The following VIM variants were observed in gnomAD, a reference collection of about 807,000 sequenced individuals.
VIM encodes the protein epididymis secretory sperm binding protein.
In VIM, 18 loss-of-function variants were observed where a neutral mutation model predicts 50.3. The observed-to-expected ratio is 0.36, with a 90% CI of 0.25 to 0.53. The LOEUF is 0.53. Ranked by LOEUF, VIM falls within the 20% of genes least tolerant of loss-of-function variation. The pLI is 0.91. For synonymous variants in VIM, 245 were observed against 248.5 expected (o/e 0.99, Z 0.13); for missense variants, 551 against 614.7 (o/e 0.90, Z 1.10).
chr10:17,235,773 AGT>A lies in VIM; in HGVS notation c.1230-68_1230-67del, dbSNP rs1846877032. 9 of 1,427,794 alleles carry A rather than the reference AGT, an allele frequency of 6.3e-6. No individual in the cohort carries two copies. In the Admixed American group the frequency reaches 1.3e-4, roughly 21 times the overall value. 88.4% of individuals were successfully genotyped at this position (1,427,794 alleles called of 1,614,324 possible). ...GTTTTCTTACGTGACGAAAACAAAA[AGT>A]GTGTTAATTTGTTCCCAGTGGTTGA... On this transcript the variant is annotated intron_variant, in intron 7 of 9. Transcript: ENST00000544301.
chr10:17,231,042 TAAAG>T (rs1352516784), intron 3 of VIM: 1 of 233,864 alleles, frequency 4.3e-6, no homozygotes, highest in African/African-American at 2.3e-5. Context: ...CCTTGGGACA[TAAAG>T]AAAAATCTTT....
At position 17,233,883 on chromosome 10, in the gene VIM, T is replaced by C; in HGVS notation, c.834T>C (p.Ser278=). The change falls in exon 5 of 10, where the codon AGT becomes AGC. Residue 278 remains serine, a synonymous_variant. Coordinates refer to ENST00000544301, the MANE Select transcript of VIM (RefSeq NM_003380.5). Reference sequence around the variant, plus strand: ...GTGACGTACGTCAGCAATATGAAAGTGTGGCTGCCAAGAACCTGCAGGAGG... The same window carrying C: ...GTGACGTACGTCAGCAATATGAAAGCGTGGCTGCCAAGAACCTGCAGGAGG... The part of the protein sequence containing the change: ...ALRDVRQQYE[S]VAAKNLQEAE... 3.1e-6 allele frequency: 5 copies of C among 1,614,128 alleles called. No homozygotes were observed. The highest frequency in any genetic ancestry group is 3.3e-4 in the Middle Eastern group (2 of 6,062).
rs1228442247 is a variant in VIM, at chr10:17,230,667, T to G, written c.581T>G (p.Leu194Arg). ...RLREKLQEEM[L>R]QREEAENTLQ... The stretch of plus-strand genomic sequence containing the variant: ...TGTTTCAGATTGCAGGAGGAGATGC[T>G]TCAGAGAGAGGAAGCCGAAAACACC... Residue 194 changes from leucine to arginine, a missense_variant, in exon 3 of 10, where the codon CTT (leucine) becomes CGT (arginine). Transcript: ENST00000544301. 6.2e-7 allele frequency: 1 copy of G among 1,614,116 alleles called. No individual in the cohort carries two copies. The highest frequency in any genetic ancestry group is 1.7e-5 in the Admixed American group (1 of 60,016).
At chr10:17,237,081 A>G (rs969015306) in intron 9 of VIM, 149 bp from the exon 10 acceptor site, 1 of 708,976 alleles carries the variant, frequency 1.4e-6, no homozygotes, top group Non-Finnish European at 2.4e-6. Context: ...TGCCCCTTCT[A>G]GTTTTCACTC....
At position 17,230,994 on chromosome 10, in the gene VIM, C is replaced by T. The variant is rs942784041; in HGVS notation, c.624+284C>T. The stretch of plus-strand genomic sequence containing the variant: ...CTTGGCTCACTGCATCCTCCGCCTC[C>T]CGGGTTCAAGCGATCCTTGAATGAT... On this transcript the variant is annotated intron_variant, in intron 3 of 9. Coordinates refer to ENST00000544301, the MANE Select transcript of VIM (RefSeq NM_003380.5). 1.2e-5 allele frequency: 5 copies of T among 405,478 alleles called. No homozygotes were observed. In the Admixed American group the frequency reaches 1.9e-4, roughly 16 times the overall value. 25.1% of individuals were successfully genotyped at this position (405,478 alleles called of 1,614,324 possible).
At chr10:17,230,067 G>T in intron 2 of VIM, 82 bp downstream of exon 2, 1 of 1,481,802 alleles carries the variant, frequency 6.7e-7, no homozygotes, top group Non-Finnish European at 9.0e-7. Context: ...CCCCGCGAGA[G>T]CTGCCACGCC....
In VIM at chr10:17,235,235, C is replaced by A. The variant is rs1197860827; in HGVS notation, c.1075C>A (p.Gln359Lys). 6.2e-7 allele frequency: 1 copy of A among 1,614,210 alleles called. No individual in the cohort carries two copies. Among genetic ancestry groups the A allele is most frequent in the East Asian group, 2.2e-5 (1 of 44,880 alleles). The change falls in exon 7 of 10, where the codon CAA becomes AAA. Residue 359 changes from glutamine to lysine, a missense_variant. Gln to Lys is a moderately conservative substitution (Grantham distance 53, BLOSUM62 1). This residue lies in a region of VIM where 394 missense variants were observed against 437.5 expected (regional missense o/e 0.90). Coordinates refer to ENST00000544301, the MANE Select transcript of VIM (RefSeq NM_003380.5). Reference protein sequence around the residue: ...ENFAVEAANYQDTIGRLQDEI... With the variant: ...ENFAVEAANYKDTIGRLQDEI... ...CTTTGCCGTTGAAGCTGCTAACTAC[C>A]AAGACACTATTGGCCGCCTGCAGGA... is the stretch of plus-strand genomic sequence containing the variant.
chr10:17,229,948 G>C lies in VIM; in HGVS notation c.526G>C (p.Asp176His). Residue 176 changes from aspartate to histidine, a missense_variant, in exon 2 of 10, where the codon GAC (aspartate) becomes CAC (histidine). Asp to His is a moderately conservative substitution (Grantham distance 81). This residue lies in a region of VIM where 394 missense variants were observed against 437.5 expected (regional missense o/e 0.90). Coordinates refer to ENST00000544301, the MANE Select transcript of VIM (RefSeq NM_003380.5). ...CAAAGCCCGCGTCGAGGTGGAGCGC[G>C]ACAACCTGGCCGAGGACATCATGCG... ...NDKARVEVER[D>H]NLAEDIMRLR... is the part of the protein sequence containing the mutation. 1 of 1,612,728 alleles carries C rather than the reference G, an allele frequency of 6.2e-7. No homozygotes were observed. The highest frequency in any genetic ancestry group is 8.5e-7 in the Non-Finnish European group (1 of 1,179,780).
intron 3 of VIM, among the ~76,000 whole-genome samples, chr10:17,231,387 A>G (rs1313048012): frequency 3.9e-5 from 6 of 152,230 alleles, no homozygotes; most frequent in Non-Finnish European, 7.3e-5. Context: ...CCCTTGGCTA[A>G]GGGGTATTAA....
At chr10:17,228,870 G>A (rs995292009) in intron 1 of VIM, 6 of 160,368 alleles carry the variant, frequency 3.7e-5, no homozygotes, top group South Asian at 1.6e-4. Context: ...TCCTCTTCCC[G>A]CTCCTTTGCC....
rs757347542 is a variant in VIM at position 17,237,161 on chromosome 10, G to A, written c.1360-69G>A. The stretch of plus-strand genomic sequence containing the variant: ...ATATTTAGCAGGATTTTTATTTGCC[G>A]TGATATATAGGATAATTTAGTCTTT... On this transcript the variant is annotated intron_variant, in intron 9 of 9. Transcript: ENST00000544301. 5.6e-5 allele frequency: 75 copies of A among 1,340,152 alleles called. No individual in the cohort carries two copies. The East Asian group carries it at 8.4e-4, about 15-fold the overall frequency. 83.0% of individuals were successfully genotyped at this position (1,340,152 alleles called of 1,614,324 possible). A position where few individuals can be genotyped will look rare whatever the true frequency, so the allele number is the denominator to read the frequency against.
intron 3 of VIM, among the ~76,000 whole-genome samples, chr10:17,231,273 T>A (rs1388029374): frequency 6.6e-6 from 1 of 152,202 alleles, no homozygotes; most frequent in African/African-American, 2.4e-5. Flanking sequence ...CCAGCAAGTT[T>A]CTTTTCTTCT....
chr10:17,228,969 T>C lies in VIM; in HGVS notation c.-147-307T>C, dbSNP rs564120600. On this transcript the variant is annotated intron_variant, in intron 1 of 9. Transcript: ENST00000544301. The stretch of plus-strand genomic sequence containing the variant: ...GCGTGGTGCCACCGGACCCCTCTGG[T>C]TCAGTCCCAGGCGGACCCCCCCCTC... 1.6e-3 allele frequency: 315 copies of C among 202,098 alleles called. 2 individuals are homozygous for C. The highest frequency in any genetic ancestry group is 2.4e-3 in the Admixed American group (42 of 17,384). The allele number at this position is 202,098 out of a possible 1,614,324, so 12.5% of individuals were successfully genotyped here.
At chr10:17,236,478 A>G (rs1380568916) in intron 9 of VIM, 99 bp downstream of exon 9, 2 of 1,055,594 alleles carry the variant, frequency 1.9e-6, no homozygotes, top group Non-Finnish European at 2.9e-6. Context: ...GGCTAATTTG[A>G]GAGGTTCAGG....
intron 3 of VIM, among the ~76,000 whole-genome samples, chr10:17,232,141 A>G (rs1216140014): frequency 6.6e-6 from 1 of 152,242 alleles, no homozygotes; most frequent in African/African-American, 2.4e-5. Context: ...AGAATACCAC[A>G]TTGATCTTTC....
chr10:17,234,621 T>A (rs577829379), intron 5 of VIM, 72 bp from the exon 6 acceptor site: 5 of 1,596,742 alleles, frequency 3.1e-6, no homozygotes, highest in Non-Finnish European at 3.4e-6. Context: ...GTGAGAAATA[T>A]GATTTTTTTT....
intron 1 of VIM, chr10:17,229,050 T>A (rs1846730209): frequency 2.8e-6 from 1 of 358,948 alleles, no homozygotes; most frequent in Admixed American, 4.5e-5. Context: ...CAGACTATCA[T>A]CCGGAAAGCC....
At chr10:17,235,479 T>G in intron 7 of VIM, 90 bp downstream of exon 7, 2 of 1,415,666 alleles carry the variant, frequency 1.4e-6, no homozygotes, top group Non-Finnish European at 2.0e-6. Flanking sequence ...ACATTTAATC[T>G]TTAGAAAGTT....
At chr10:17,229,193 C>T in intron 1 of VIM, 83 bp from the exon 2 acceptor site, 1 of 285,750 alleles carries the variant, frequency 3.5e-6, no homozygotes. Flanking sequence ...TATTGGCTGG[C>T]GCGCTCCGCG....
Sources: allele counts gnomAD v4.1 joint callset (sites outside exome capture counted in the v4.1 genomes callset), GRCh38; gene constraint gnomAD v4.1.1; regional missense constraint gnomAD v4.1.1; transcripts MANE v1.5; gene names NCBI Gene and HGNC (gene_info 2026-07-23, HGNC 2026-07-21).